Variants in PLXNA2 observed in about 807,000 individuals in gnomAD.
The protein encoded by PLXNA2 is plexin-A2.
In PLXNA2, 91 loss-of-function variants were observed where a neutral mutation model predicts 193.5. That is an observed-to-expected ratio of 0.47 (90% CI 0.40 to 0.56). The LOEUF (loss-of-function observed/expected upper bound fraction) is 0.56, where lower values mean the gene tolerates loss of function less well. Among genes scored for constraint, PLXNA2 ranks in the 20% least tolerant of loss-of-function variants. The probability of loss-of-function intolerance (pLI) is 0.00; values close to 1 mark genes in which losing one functional copy is unlikely to be tolerated. For synonymous variants in PLXNA2, 997 were observed against 1,027.3 expected (o/e 0.97, Z 0.56); for missense variants, 1,995 against 2,503.2 (o/e 0.80, Z 4.33).
At position 208,210,737 on chromosome 1, in the gene PLXNA2, G is replaced by A. The variant is rs114919429; in HGVS notation, c.1189-275C>T. Among the ~76,000 whole-genome samples, 442 of 152,264 alleles carry A rather than the reference G, an allele frequency of 2.9e-3. 2 individuals are homozygous for A. Among genetic ancestry groups the A allele is most frequent in the African/African-American group, 1.0e-2 (415 of 41,540 alleles). Reference sequence around the variant, plus strand: ...TCTACCTTTCTGCCAGGAGAACCAGGATCAATTTGTAAAGCTAAGTGCCTG... The same window carrying A: ...TCTACCTTTCTGCCAGGAGAACCAGAATCAATTTGTAAAGCTAAGTGCCTG... On this transcript the variant is annotated intron_variant, in intron 2 of 31. Coordinates refer to ENST00000367033, the MANE Select transcript of PLXNA2 (RefSeq NM_025179.4).
intron 6 of PLXNA2, among the ~76,000 whole-genome samples, chr1:208,097,912 C>A (rs1006976953): frequency 6.6e-6 from 1 of 152,024 alleles, no homozygotes; most frequent in Non-Finnish European, 1.5e-5. Flanking sequence ...CTATGTTGCC[C>A]AGGCTAGTCT....
chr1:208,183,991 T>C (rs1669922204), intron 3 of PLXNA2, among the ~76,000 whole-genome samples: 1 of 152,216 alleles, frequency 6.6e-6, no homozygotes, highest in Admixed American at 6.5e-5. Context: ...CTAATATATG[T>C]CAATCTCTCA....
chr1:208,126,536 A>G (rs1667981004), intron 4 of PLXNA2, among the ~76,000 whole-genome samples: 2 of 152,184 alleles, frequency 1.3e-5, no homozygotes, highest in South Asian at 4.1e-4. Flanking sequence ...TATGCTCATG[A>G]AGCATCTCAT....
rs1225147283 is a variant in PLXNA2, at chr1:208,024,762, C to T, written c.*2481G>A. 1 of 152,214 alleles carries T rather than the reference C, an allele frequency of 6.6e-6. No individual in the cohort carries two copies. The highest frequency in any genetic ancestry group is 2.4e-5 in the African/African-American group (1 of 41,450). The allele number at this position is 152,214 out of a possible 1,614,324, so 9.4% of individuals were successfully genotyped here. On this transcript the variant is annotated 3_prime_UTR_variant, in exon 32 of 32. Transcript: ENST00000367033. ...GTAGAGATGCTACTGAGATGTCCGA[C>T]TGCCTTTAACTTCTTGGTGGAGCAA... is the stretch of plus-strand genomic sequence containing the variant.
Position 208,051,814 on chromosome 1 carries a change from G to A in PLXNA2, c.2994-391C>T, listed in dbSNP as rs915531568. ...CAGTCCTTGCCCTTGTGGAATTTAC[G>A]GTCCAAGGAGATTATCAGGTAGATA... On this transcript the variant is annotated intron_variant, in intron 15 of 31. Transcript: ENST00000367033. 1.1e-4 allele frequency among the ~76,000 whole-genome samples: 16 copies of A among 152,264 alleles called. No homozygotes were observed. In the East Asian group the frequency reaches 1.4e-3, roughly 13 times the overall value.
At chr1:208,051,235 C>G in intron 16 of PLXNA2, 21 bp downstream of exon 16, 1 of 1,598,686 alleles carries the variant, frequency 6.3e-7, no homozygotes, top group Non-Finnish European at 8.5e-7. Context: ...CCAGGTGCAT[C>G]CCTCCCACCT....
chr1:208,190,435 A>G (rs576333974), intron 3 of PLXNA2, among the ~76,000 whole-genome samples: 1 of 152,338 alleles, frequency 6.6e-6, no homozygotes, highest in East Asian at 1.9e-4. Context: ...TATAGTACCT[A>G]TGTTGCAGGG....
intron 21 of PLXNA2, among the ~76,000 whole-genome samples, chr1:208,042,831 T>C (rs1558160944): frequency 6.6e-6 from 1 of 152,196 alleles, no homozygotes; most frequent in Admixed American, 6.5e-5. Context: ...GTTCAGTCAT[T>C]AATTAAAAAA....
intron 3 of PLXNA2, among the ~76,000 whole-genome samples, chr1:208,185,723 A>G (rs2102554927): frequency 6.7e-6 from 1 of 150,134 alleles, no homozygotes; most frequent in Middle Eastern, 3.4e-3. Flanking sequence ...AAAAAAGGAA[A>G]AAAAAAAAGA....
chr1:208,125,364 A>T (rs1667942400), intron 4 of PLXNA2, among the ~76,000 whole-genome samples: 1 of 152,196 alleles, frequency 6.6e-6, no homozygotes, highest in South Asian at 2.1e-4. Context: ...ACTGCTCAGC[A>T]TCTCTCTTCA....
chr1:208,117,646 G>A (rs1161891233), intron 4 of PLXNA2, among the ~76,000 whole-genome samples: 1 of 152,164 alleles, frequency 6.6e-6, no homozygotes, highest in East Asian at 1.9e-4. Flanking sequence ...TCGAGGCCCA[G>A]GAAGAACCCA....
At chr1:208,035,540 C>T (rs143316057) in intron 26 of PLXNA2, among the ~76,000 whole-genome samples, 1,848 of 152,222 alleles carry the variant, frequency 0.012, 42 homozygotes, top group Non-Finnish European at 0.012. Context: ...AGGAGCCATA[C>T]TGAAGACATT....
At chr1:208,224,002 T>G (rs1447742825) in intron 1 of PLXNA2, among the ~76,000 whole-genome samples, 1 of 152,172 alleles carries the variant, frequency 6.6e-6, no homozygotes, top group Non-Finnish European at 1.5e-5. Context: ...GCCCCATCTT[T>G]TCCCCGTGGG....
At chr1:208,040,183 G>T in intron 22 of PLXNA2, 125 bp from the exon 23 acceptor site, 2 of 739,152 alleles carry the variant, frequency 2.7e-6, no homozygotes, top group Non-Finnish European at 4.7e-6. Flanking sequence ...CGGGAGTCAG[G>T]ACACCTGGGT....
At chr1:208,049,320 T>TA (rs1665178432) in intron 17 of PLXNA2, among the ~76,000 whole-genome samples, 4 of 147,774 alleles carry the variant, frequency 2.7e-5, no homozygotes, top group Admixed American at 6.8e-5. Flanking sequence ...TTTTTTTTTT[T>TA]TAAATCCTTC....
intron 6 of PLXNA2, 49 bp from the exon 7 acceptor site, chr1:208,096,932 T>G: frequency 6.4e-7 from 1 of 1,570,100 alleles, no homozygotes; most frequent in Non-Finnish European, 8.6e-7. Flanking sequence ...TCAGGAGACC[T>G]GGACTCCAGG....
rs145487551 is a variant in PLXNA2 at position 208,228,462 on chromosome 1, C to T, written c.-80-10460G>A. Among the ~76,000 whole-genome samples the T allele has an allele frequency of 1.9e-3, 289 of 152,248 alleles. 2 individuals are homozygous for T. Among genetic ancestry groups the T allele is most frequent in the African/African-American group, 5.9e-3 (247 of 41,532 alleles). On this transcript the variant is annotated intron_variant, in intron 1 of 31. Transcript: ENST00000367033. ...ATCCAGGCCTTCCTCTGAGATGGAC[C>T]CTGGTGAAACCCATTGGCAGCCAAG... is the stretch of plus-strand genomic sequence containing the variant.
chr1:208,200,973 G>A (rs1393202041), intron 3 of PLXNA2, among the ~76,000 whole-genome samples: 1 of 152,124 alleles, frequency 6.6e-6, no homozygotes, highest in Non-Finnish European at 1.5e-5. Flanking sequence ...AGAGAATTTG[G>A]GACTGTGGCA....
intron 9 of PLXNA2, among the ~76,000 whole-genome samples, chr1:208,091,851 A>G (rs1666722173): frequency 6.9e-6 from 1 of 144,712 alleles, no homozygotes; most frequent in Admixed American, 7.0e-5. Flanking sequence ...GCCTGGCGAT[A>G]GAGCGAGACT....
Sources: allele counts gnomAD v4.1 joint callset (sites outside exome capture counted in the v4.1 genomes callset), GRCh38; gene constraint gnomAD v4.1.1; transcripts MANE v1.5; gene names NCBI Gene and HGNC (gene_info 2026-07-23, HGNC 2026-07-21).